The following ZNF135 variants were observed in gnomAD, a reference collection of about 807,000 sequenced individuals.
ZNF135 encodes the protein zinc finger protein 135 (clone pHZ-17).
Under a neutral mutation model 12.3 loss-of-function variants are expected in ZNF135, and 11 were observed. The ratio of observed to expected loss-of-function variants is 0.89; its 90% CI spans 0.56 to 1.48. The LOEUF (loss-of-function observed/expected upper bound fraction) is 1.48. Among genes scored for constraint, ZNF135 ranks in the 40% most tolerant of loss-of-function variants. ZNF135 has a pLI of 0.00. For missense variants in ZNF135, 722 were observed against 815.7 expected, an observed-to-expected ratio of 0.89 and a Z score of 1.40; for synonymous variants, 316 against 312.0, an observed-to-expected ratio of 1.01 and a Z score of -0.14.
At position 58,067,521 on chromosome 19, in the gene ZNF135, G is replaced by A. The variant is rs769808348; in HGVS notation, c.1037G>A (p.Arg346Gln). 46 of 1,613,840 alleles carry A rather than the reference G, an allele frequency of 2.9e-5. No homozygotes were observed. Among genetic ancestry groups the A allele is most frequent in the East Asian group, 8.9e-5 (4 of 44,858 alleles). Residue 346 changes from arginine (R) to glutamine (Q), a missense_variant, in exon 5 of 5, where the codon CGA (arginine) becomes CAA (glutamine). Arg to Gln is a conservative substitution (Grantham distance 43). Transcript: ENST00000313434. ...AGCATCCACCTCACCCAGCATCTGC[G>A]AATCCACACTGGGGAGAAACCCTAT... The part of the protein sequence containing the change: ...RQSIHLTQHL[R>Q]IHTGEKPYQC...
chr19:58,061,059 C>T (rs1292795339), intron 2 of ZNF135, among the ~76,000 whole-genome samples: 3 of 150,914 alleles, frequency 2.0e-5, no homozygotes, highest in Non-Finnish European at 2.9e-5. Context: ...ACCCAGGAGG[C>T]GGAGCTTGCA....
Position 58,066,931 on chromosome 19 carries a change from C to T in ZNF135, c.447C>T (p.Phe149=), listed in dbSNP as rs749351605. ...SLESLAVPVA[F]TPVKTPVLEQ... ...AGAGCCTGGCAGTGCCGGTGGCCTT[C>T]ACGCCTGTGAAGACGCCTGTTCTGG... Residue 149 remains phenylalanine (F), a synonymous_variant, in exon 5 of 5, where the codon TTC becomes TTT. Transcript: ENST00000313434. 8 of 1,614,088 alleles carry T rather than the reference C, an allele frequency of 5.0e-6. No homozygotes were observed. The highest frequency in any genetic ancestry group is 6.8e-6 in the Non-Finnish European group (8 of 1,180,046).
In ZNF135 at chr19:58,066,811, T is replaced by C; in HGVS notation, c.327T>C (p.Ser109=). ...GCATCTCTGAAGAAATATCCAACAG[T>C]GTCATCTTGGTAGAAAGATTCCTGT... The part of the protein sequence containing the change: ...KQGISEEISN[S]VILVERFLWD... The change falls in exon 5 of 5, where the codon AGT becomes AGC. Residue 109 remains serine (S), a synonymous_variant. Transcript: ENST00000313434. 6 of 1,614,216 alleles carry C rather than the reference T, an allele frequency of 3.7e-6. No homozygotes were observed. The highest frequency in any genetic ancestry group is 5.1e-6 in the Non-Finnish European group (6 of 1,180,040).
In ZNF135 at chr19:58,059,912, T is replaced by C; in HGVS notation, c.-34-57T>C. On this transcript the variant is annotated intron_variant, in intron 1 of 4. Transcript: ENST00000313434. The surrounding 1 kb of genome is among the most constrained non-coding windows in gnomAD (Gnocchi z 6.5). ...CAGGCTCTGGCGCAGTTCCCCGGCT[T>C]GGGGACCTGAGCACCGCCTCTGCCT... The C allele has an allele frequency of 6.3e-7, 1 of 1,593,224 alleles. No individual in the cohort carries two copies. The highest frequency in any genetic ancestry group is 1.1e-5 in the South Asian group (1 of 90,242).
At chr19:58,066,644 A>G in intron 4 of ZNF135, 97 bp from the exon 5 acceptor site, 3 of 1,507,790 alleles carry the variant, frequency 2.0e-6, no homozygotes, top group Non-Finnish European at 2.7e-6. Context: ...GAACGTTTCA[A>G]AATAATTAGT....
In ZNF135 at chr19:58,067,087, A is replaced by C. The variant is rs1233276124; in HGVS notation, c.603A>C (p.Leu201=). The part of the protein sequence containing the change: ...GTRGKREKPD[L]NVLQKTCVKE... ...GTGGAAAAAGGGAGAAGCCAGACCT[A>C]AATGTTTTACAGAAAACCTGTGTAA... The change falls in exon 5 of 5, where the codon CTA becomes CTC. Residue 201 remains leucine (L), a synonymous_variant. Coordinates refer to ENST00000313434, the MANE Select transcript of ZNF135 (RefSeq NM_001289401.2). 4 of 1,614,088 alleles carry C rather than the reference A, an allele frequency of 2.5e-6. No individual in the cohort carries two copies. The African/African-American group carries it at 5.3e-5, about 22-fold the overall frequency.
At chr19:58,062,048 T>C (rs941336947) in intron 3 of ZNF135, among the ~76,000 whole-genome samples, 1 of 152,170 alleles carries the variant, frequency 6.6e-6, no homozygotes, top group Non-Finnish European at 1.5e-5. Flanking sequence ...TCTTAGTCTG[T>C]TAGGGCTGCT....
chr19:58,059,341 A>AGGCCG lies in ZNF135; in HGVS notation c.-35+35_-35+36insGGGCC, dbSNP rs771091097. 8.7e-5 allele frequency: 102 copies of AGGCCG among 1,170,206 alleles called. No individual in the cohort carries two copies. The highest frequency in any genetic ancestry group is 7.3e-4 in the African/African-American group (27 of 36,804). The allele number at this position is 1,170,206 out of a possible 1,614,324, so 72.5% of individuals were successfully genotyped here. On this transcript the variant is annotated intron_variant, in intron 1 of 4. Coordinates refer to ENST00000313434, the MANE Select transcript of ZNF135 (RefSeq NM_001289401.2). This position sits in a 1 kb window ranked among gnomAD's most constrained non-coding sequence, Gnocchi z 6.5. ...CTAGGCCGGCGAGGAGGGGGAGGGGAGGCCAGGCCGGGCCGGGCCGGGCCG... is the reference window on the plus strand; with the variant it reads ...CTAGGCCGGCGAGGAGGGGGAGGGGAGGCCGGGCCAGGCCGGGCCGGGCCGGGCCG...
At position 58,060,052 on chromosome 19, in the gene ZNF135, C is replaced by A; in HGVS notation, c.33+17C>A. Reference sequence around the variant, plus strand: ...ACAGACCCGGTGAGAATCTCGGCCTCCTTGCGCGTGTCCTCCACCTCGTGC... The same window carrying A: ...ACAGACCCGGTGAGAATCTCGGCCTACTTGCGCGTGTCCTCCACCTCGTGC... On this transcript the variant is annotated intron_variant, in intron 2 of 4. Coordinates refer to ENST00000313434, the MANE Select transcript of ZNF135 (RefSeq NM_001289401.2). The surrounding 1 kb of genome is among the most constrained non-coding windows in gnomAD (Gnocchi z 4.9). The A allele has an allele frequency of 1.2e-6, 2 of 1,613,060 alleles. No individual in the cohort carries two copies. Among genetic ancestry groups the A allele is most frequent in the South Asian group, 2.2e-5 (2 of 91,074 alleles).
intron 2 of ZNF135, 150 bp from the exon 3 acceptor site, chr19:58,061,430 C>A: frequency 3.5e-6 from 3 of 849,868 alleles, no homozygotes; most frequent in Non-Finnish European, 5.3e-6. Flanking sequence ...ATCAGCAGGG[C>A]ACCCATCCAG....
intron 4 of ZNF135, among the ~76,000 whole-genome samples, chr19:58,066,432 T>TCTTC (rs2074066890): frequency 6.6e-6 from 1 of 151,762 alleles, no homozygotes; most frequent in African/African-American, 2.4e-5. Flanking sequence ...CTCTGCATCC[T>TCTTC]CCTCTGTGCT....
rs1205627443 is a variant in ZNF135 at position 58,063,094 on chromosome 19, T to G, written c.161-352T>G. Among the ~76,000 whole-genome samples the G allele has an allele frequency of 6.6e-6, 1 of 152,206 alleles. No individual in the cohort carries two copies. Among genetic ancestry groups the G allele is most frequent in the East Asian group, 1.9e-4 (1 of 5,196 alleles). On this transcript the variant is annotated intron_variant, in intron 3 of 4. Coordinates refer to ENST00000313434, the MANE Select transcript of ZNF135 (RefSeq NM_001289401.2). This position sits in a 1 kb window ranked among gnomAD's most constrained non-coding sequence, Gnocchi z 4.4. ...TGACAAGACAACTGCCTGGGGTGCC[T>G]TTCCTGCAACCAAGACCAGCAGAAA...
chr19:58,063,613 G>A lies in ZNF135; in HGVS notation c.256+72G>A. ...CTTCCTGGTTTCTCCCTCTGCATCT[G>A]CTCTCTAATTCTTCAGAGCAAATTT... On this transcript the variant is annotated intron_variant, in intron 4 of 4. Coordinates refer to ENST00000313434, the MANE Select transcript of ZNF135 (RefSeq NM_001289401.2). This position sits in a 1 kb window ranked among gnomAD's most constrained non-coding sequence, Gnocchi z 4.4. The A allele has an allele frequency of 1.3e-6, 2 of 1,596,830 alleles. No homozygotes were observed. Among genetic ancestry groups the A allele is most frequent in the Non-Finnish European group, 1.7e-6 (2 of 1,171,120 alleles).
rs2229379 is a variant in ZNF135, at chr19:58,068,555, A to G, written c.*94A>G. On this transcript the variant is annotated 3_prime_UTR_variant, in exon 5 of 5. Coordinates refer to ENST00000313434, the MANE Select transcript of ZNF135 (RefSeq NM_001289401.2). ...CCAATCATACACATGAGAAACGTAC[A>G]TTCATACACAAGCCTTTTCACACAG... 546,739 of 1,398,610 alleles carry G rather than the reference A, an allele frequency of 0.39. 109,265 individuals are homozygous for G. Among genetic ancestry groups the G allele is most frequent in the Admixed American group, 0.48 (21,883 of 45,402 alleles). The allele number at this position is 1,398,610 out of a possible 1,614,324, so 86.6% of individuals were successfully genotyped here.
rs774707623 is a variant in ZNF135 at position 58,066,977 on chromosome 19, T to C, written c.493T>C (p.Phe165Leu). The C allele has an allele frequency of 6.2e-7, 1 of 1,613,948 alleles. No individual in the cohort carries two copies. The highest frequency in any genetic ancestry group is 8.5e-7 in the Non-Finnish European group (1 of 1,179,982). The change falls in exon 5 of 5, where the codon TTT (phenylalanine) becomes CTT (leucine). Residue 165 changes from phenylalanine to leucine, a missense_variant. Physicochemically the swap from Phe to Leu is conservative, Grantham distance 22. Transcript: ENST00000313434. ...TCTGGAGCAGTGGCAGAGGAATGGG[T>C]TTGGGGAAAACATAAGTCTGAACCC... ...PVLEQWQRNG[F>L]GENISLNPDL...
rs1305922980 is a variant in ZNF135, at chr19:58,063,418, C to T, written c.161-28C>T. 1 of 1,613,462 alleles carries T rather than the reference C, an allele frequency of 6.2e-7. No homozygotes were observed. The highest frequency in any genetic ancestry group is 1.7e-5 in the Admixed American group (1 of 59,978). On this transcript the variant is annotated intron_variant, in intron 3 of 4. Transcript: ENST00000313434. This position sits in a 1 kb window ranked among gnomAD's most constrained non-coding sequence, Gnocchi z 4.4. ...CAGGAAGGGTCCTGGGATACAAATGCTCACTCTATGGGTCTCTCCCTGAGC... is the reference window on the plus strand; with the variant it reads ...CAGGAAGGGTCCTGGGATACAAATGTTCACTCTATGGGTCTCTCCCTGAGC...
Position 58,067,888 on chromosome 19 carries a change from C to T in ZNF135, c.1404C>T (p.Cys468=), listed in dbSNP as rs766152094. The change falls in exon 5 of 5, where the codon TGC becomes TGT. Residue 468 remains cysteine (C), a synonymous_variant. Transcript: ENST00000313434. ...ACACAGGAGAGAAGCCCTATGAGTG[C>T]AGTCAGTGTGGGAAGGCCTTCCGGC... The part of the protein sequence containing the change: ...RTHTGEKPYE[C]SQCGKAFRQS... The T allele has an allele frequency of 5.3e-5, 86 of 1,607,950 alleles. No homozygotes were observed. Among genetic ancestry groups the T allele is most frequent in the Non-Finnish European group, 7.0e-5 (83 of 1,178,264 alleles).
chr19:58,059,561 G>T lies in ZNF135; in HGVS notation c.-35+251G>T, dbSNP rs993570849. The stretch of plus-strand genomic sequence containing the variant: ...CGCCCAGCTGGACAGGAGCTGCTCC[G>T]ACGGCCCCTGAGGGAACGCGCGCCC... On this transcript the variant is annotated intron_variant, in intron 1 of 4. Coordinates refer to ENST00000313434, the MANE Select transcript of ZNF135 (RefSeq NM_001289401.2). The surrounding 1 kb of genome is among the most constrained non-coding windows in gnomAD (Gnocchi z 6.5). Among the ~76,000 whole-genome samples the T allele has an allele frequency of 1.8e-4, 27 of 152,144 alleles. 1 individual carries two copies. Among genetic ancestry groups the T allele is most frequent in the Admixed American group, 1.4e-3 (22 of 15,302 alleles).
In ZNF135 at chr19:58,067,754, C is replaced by T; in HGVS notation, c.1270C>T (p.Leu424Phe). Residue 424 changes from leucine to phenylalanine, a missense_variant, in exon 5 of 5, where the codon CTC (leucine) becomes TTC (phenylalanine). Coordinates refer to ENST00000313434, the MANE Select transcript of ZNF135 (RefSeq NM_001289401.2). ...TGGGAAAGCCTTCAGTCAGAGCACA[C>T]TCCTGACCGAGCATCGGAGGATTCA... is the stretch of plus-strand genomic sequence containing the variant. ...ECGKAFSQST[L>F]LTEHRRIHTG... The T allele has an allele frequency of 6.2e-7, 1 of 1,614,120 alleles. No individual in the cohort carries two copies. Among genetic ancestry groups the T allele is most frequent in the Middle Eastern group, 1.6e-4 (1 of 6,062 alleles).
Sources: allele counts gnomAD v4.1 joint callset (sites outside exome capture counted in the v4.1 genomes callset), GRCh38; gene constraint gnomAD v4.1.1; non-coding constraint Gnocchi (gnomAD v3.1); transcripts MANE v1.5; gene names NCBI Gene and HGNC (gene_info 2026-07-23, HGNC 2026-07-21).